The following KIF24 variants were observed in gnomAD, a reference collection of about 807,000 sequenced individuals.
KIF24 encodes kinesin-like protein KIF24.
A neutral mutation model predicts 118.9 loss-of-function variants in KIF24; 81 were observed. The ratio of observed to expected loss-of-function variants is 0.68; its 90% CI spans 0.57 to 0.82. The LOEUF is 0.82. Among genes scored for constraint, KIF24 ranks in the 40% least tolerant of loss-of-function variants. The pLI is 0.00. For synonymous variants in KIF24, 599 were observed against 610.0 expected (o/e 0.98, Z 0.27); for missense variants, 1,560 against 1,661.6 (o/e 0.94, Z 1.06).
rs146979063 is a variant in KIF24, at chr9:34,307,676, G to A, written c.624-1235C>T. Among the ~76,000 whole-genome samples the A allele has an allele frequency of 1.6e-3, 237 of 152,076 alleles. 1 individual carries two copies. The East Asian group carries it at 0.027, about 17-fold the overall frequency. The stretch of plus-strand genomic sequence containing the variant: ...GCCTGTAATCCTAGCACTTCGAGAG[G>A]CTGAGGCGGGCAGATCACTTGAGGT... On this transcript the variant is annotated intron_variant, in intron 2 of 12. Transcript: ENST00000402558.
intron 1 of KIF24, among the ~76,000 whole-genome samples, chr9:34,327,337 C>T (rs1286452331): frequency 2.0e-5 from 3 of 151,958 alleles, no homozygotes; most frequent in Admixed American, 2.0e-4. Context: ...CAGCCCCTCA[C>T]TTTACGACAA....
At chr9:34,319,564 T>A in intron 1 of KIF24, 1 of 1,103,318 alleles carries the variant, frequency 9.1e-7, no homozygotes, top group Non-Finnish European at 1.4e-6. Flanking sequence ...CACCCCTTCA[T>A]CTTCCTGGTG....
chr9:34,263,247 G>A, intron 8 of KIF24, 75 bp from the exon 9 acceptor site: 2 of 1,057,566 alleles, frequency 1.9e-6, no homozygotes, highest in South Asian at 1.3e-5. Context: ...CGCCTCCACA[G>A]GAAGCTTGTT....
chr9:34,328,625 C>T (rs1419998201), intron 1 of KIF24, among the ~76,000 whole-genome samples: 1 of 152,190 alleles, frequency 6.6e-6, no homozygotes, highest in African/African-American at 2.4e-5. Context: ...AAGAGGAATC[C>T]AATCTATTTC....
chr9:34,275,625 G>T (rs1052495450), intron 6 of KIF24, among the ~76,000 whole-genome samples: 1 of 152,090 alleles, frequency 6.6e-6, no homozygotes, highest in African/African-American at 2.4e-5. Flanking sequence ...TGGATCACGA[G>T]GTCAGGAGAT....
At chr9:34,277,451 G>A (rs1438880495) in intron 6 of KIF24, among the ~76,000 whole-genome samples, 1 of 152,140 alleles carries the variant, frequency 6.6e-6, no homozygotes, top group African/African-American at 2.4e-5. Context: ...GCTCAGAGAG[G>A]CCTCAAGACC....
chr9:34,291,543 T>C (rs1400325521), intron 4 of KIF24, among the ~76,000 whole-genome samples: 1 of 152,246 alleles, frequency 6.6e-6, no homozygotes, highest in East Asian at 1.9e-4. Flanking sequence ...TGCTCTTGTA[T>C]GTGGTTACAT....
At position 34,318,636 on chromosome 9, in the gene KIF24, TG is replaced by T; in HGVS notation, c.-25-7266del. On this transcript the variant is annotated intron_variant, in intron 1 of 12. Transcript: ENST00000402558. This position sits in a 1 kb window ranked among gnomAD's most constrained non-coding sequence, Gnocchi z 4.9. ...TCGCCCGTGGTGGTGGCCTCGTCGT[TG>T]GGGCTCGTGTCGCTGGGCGGCAAGG... 1 of 1,534,524 alleles carries T rather than the reference TG, an allele frequency of 6.5e-7. No homozygotes were observed.
intron 8 of KIF24, among the ~76,000 whole-genome samples, 181 bp downstream of exon 8, chr9:34,269,076 G>A (rs1165402175): frequency 6.6e-6 from 1 of 152,200 alleles, no homozygotes; most frequent in Non-Finnish European, 1.5e-5. Flanking sequence ...GAAGAAAATA[G>A]TTGCCTAGAA....
intron 7 of KIF24, 151 bp downstream of exon 7, chr9:34,271,658 C>A (rs1329782440): frequency 1.6e-5 from 12 of 768,886 alleles, no homozygotes; most frequent in Non-Finnish European, 2.2e-5. Context: ...CACTTTAGTA[C>A]AATGATTTAT....
chr9:34,301,244 A>C (rs551593181), intron 3 of KIF24, among the ~76,000 whole-genome samples: 1 of 152,224 alleles, frequency 6.6e-6, no homozygotes, highest in South Asian at 2.1e-4. Context: ...ACAGAATCAG[A>C]GTTCCACAGT....
chr9:34,320,374 C>G (rs1388994465), intron 1 of KIF24, among the ~76,000 whole-genome samples: 1 of 149,690 alleles, frequency 6.7e-6, no homozygotes, highest in Non-Finnish European at 1.5e-5. Context: ...TAGGCTATAA[C>G]CAGCCAGGCA....
intron 3 of KIF24, among the ~76,000 whole-genome samples, chr9:34,297,500 C>T (rs1000362392): frequency 6.6e-6 from 1 of 152,136 alleles, no homozygotes; most frequent in South Asian, 2.1e-4. Flanking sequence ...CAGTGGCTCA[C>T]GCCTGTAATC....
intron 5 of KIF24, among the ~76,000 whole-genome samples, chr9:34,289,832 G>C (rs1836184371): frequency 6.6e-6 from 1 of 152,182 alleles, no homozygotes. Flanking sequence ...AGTTTTTCCA[G>C]TATAATAATA....
chr9:34,283,137 T>C (rs1835913704), intron 6 of KIF24, among the ~76,000 whole-genome samples: 1 of 136,976 alleles, frequency 7.3e-6, no homozygotes, highest in South Asian at 2.3e-4. Context: ...GAGGTCAAGG[T>C]GAGAGGATTG....
intron 3 of KIF24, among the ~76,000 whole-genome samples, chr9:34,300,224 G>A (rs1237752073): frequency 1.6e-5 from 2 of 126,408 alleles, no homozygotes; most frequent in Non-Finnish European, 3.8e-5. Flanking sequence ...TGAACTTTTA[G>A]TGCTTTGAAA....
intron 1 of KIF24, among the ~76,000 whole-genome samples, chr9:34,320,015 G>T (rs1041583734): frequency 6.6e-6 from 1 of 152,078 alleles, no homozygotes; most frequent in African/African-American, 2.4e-5. Flanking sequence ...GGGTCAGCCA[G>T]CCCTCTTCTC....
chr9:34,318,879 C>T lies in KIF24; in HGVS notation c.-25-7508G>A. The T allele has an allele frequency of 6.2e-7, 1 of 1,600,598 alleles. No homozygotes were observed. The highest frequency in any genetic ancestry group is 8.5e-7 in the Non-Finnish European group (1 of 1,171,548). ...AAGCAGCACTACAACTGCGAGCACT[C>T]CAAGATCAATTTCCATGACAAGCGC... On this transcript the variant is annotated intron_variant, in intron 1 of 12. Coordinates refer to ENST00000402558, the MANE Select transcript of KIF24 (RefSeq NM_194313.4). This position sits in a 1 kb window ranked among gnomAD's most constrained non-coding sequence, Gnocchi z 4.9.
intron 4 of KIF24, among the ~76,000 whole-genome samples, chr9:34,296,679 C>T (rs1175272156): frequency 1.3e-5 from 2 of 151,898 alleles, no homozygotes; most frequent in Admixed American, 1.3e-4. Flanking sequence ...CCACCTGAAC[C>T]TTTTTCTTCT....
Sources: gnomAD v4.1 joint callset for allele counts (sites outside exome capture counted in the v4.1 genomes callset) on GRCh38, gnomAD v4.1.1 for gene constraint, Gnocchi (gnomAD v3.1) non-coding constraint, MANE v1.5 for transcripts, NCBI Gene and HGNC (gene_info 2026-07-23, HGNC 2026-07-21) for gene names.